MED12L: variants seen among roughly 807,000 people sequenced by gnomAD.
MED12L encodes the protein mediator of RNA polymerase II transcription subunit 12-like protein.
In MED12L, 60 loss-of-function variants were observed where a neutral mutation model predicts 281.3. The observed-to-expected ratio is 0.21, with a 90% CI of 0.17 to 0.26. The LOEUF is 0.26. MED12L is among the 10% of genes least tolerant of loss of function. MED12L has a pLI of 1.00. For missense variants in MED12L, 2,146 were observed against 2,680.9 expected, an observed-to-expected ratio of 0.80 and a Z score of 4.41; for synonymous variants, 974 against 987.2, an observed-to-expected ratio of 0.99 and a Z score of 0.25.
chr3:151,393,181 A>G (rs1714514511), intron 38 of MED12L, among the ~76,000 whole-genome samples: 1 of 152,222 alleles, frequency 6.6e-6, no homozygotes, highest in Middle Eastern at 3.2e-3. Context: ...ACAGAATCAC[A>G]GGAACATCTC....
intron 11 of MED12L, among the ~76,000 whole-genome samples, chr3:151,184,017 C>G (rs1473317258): frequency 6.6e-6 from 1 of 152,072 alleles, no homozygotes; most frequent in Non-Finnish European, 1.5e-5. Flanking sequence ...GAAAGTCCTC[C>G]CAGTTTACTT....
intron 5 of MED12L, among the ~76,000 whole-genome samples, chr3:151,133,037 A>G (rs187507449): frequency 2.0e-5 from 3 of 152,334 alleles, no homozygotes; most frequent in Admixed American, 2.0e-4. Context: ...TGATAGCAAA[A>G]AGAATCATTC....
chr3:151,121,841 G>T (rs996775094), intron 3 of MED12L, among the ~76,000 whole-genome samples: 1 of 151,760 alleles, frequency 6.6e-6, no homozygotes, highest in African/African-American at 2.4e-5. Context: ...TCAGCCTCCC[G>T]AGTAGGTGGG....
chr3:151,133,950 G>A (rs1715763328), intron 5 of MED12L, among the ~76,000 whole-genome samples: 3 of 152,188 alleles, frequency 2.0e-5, no homozygotes, highest in African/African-American at 7.2e-5. Flanking sequence ...CCCATGAGGA[G>A]TCTTATTGTT....
intron 16 of MED12L, among the ~76,000 whole-genome samples, chr3:151,229,178 G>A (rs1731113054): frequency 6.6e-6 from 1 of 152,122 alleles, no homozygotes; most frequent in Admixed American, 6.5e-5. Flanking sequence ...GTACAGAAGT[G>A]ATTCCCATAT....
intron 16 of MED12L, among the ~76,000 whole-genome samples, chr3:151,222,042 G>T (rs116089567): frequency 3.6e-4 from 55 of 152,382 alleles, no homozygotes; most frequent in African/African-American, 1.3e-3. Context: ...GAGACATGGA[G>T]TCAAAGGAGA....
At position 151,388,151 on chromosome 3, in the gene MED12L, G is replaced by A. The variant is rs147311340; in HGVS notation, c.5430G>A (p.Thr1810=). 110 of 1,602,684 alleles carry A rather than the reference G, an allele frequency of 6.9e-5. No homozygotes were observed. The African/African-American group carries it at 1.1e-3, about 16-fold the overall frequency. ...AAACAAAAGGAAGGAAGCGCAAGACGAAATCTAGCTCAAGAGTTGATGTAA... is the reference window on the plus strand; with the variant it reads ...AAACAAAAGGAAGGAAGCGCAAGACAAAATCTAGCTCAAGAGTTGATGTAA... The part of the protein sequence containing the change: ...EKKTKGRKRK[T]KSSSRVDEYP... Residue 1810 remains threonine, a synonymous_variant, in exon 37 of 45, where the codon ACG becomes ACA. Coordinates refer to ENST00000687756, the MANE Select transcript of MED12L (RefSeq NM_001393769.1).
At chr3:151,399,068 A>G (rs530497552) in intron 39 of MED12L, among the ~76,000 whole-genome samples, 2 of 152,246 alleles carry the variant, frequency 1.3e-5, no homozygotes, top group South Asian at 4.1e-4. Context: ...AACTATTTCT[A>G]TTTCTTACTC....
intron 16 of MED12L, among the ~76,000 whole-genome samples, chr3:151,334,686 G>T (rs1051021387): frequency 1.1e-4 from 16 of 152,000 alleles, no homozygotes; most frequent in African/African-American, 3.4e-4. Context: ...TTTTAGTAGA[G>T]ACAGGGCTTC....
chr3:151,115,034 A>G, intron 2 of MED12L, among the ~76,000 whole-genome samples: 1 of 152,170 alleles, frequency 6.6e-6, no homozygotes, highest in South Asian at 2.1e-4. Context: ...CATCTGTACA[A>G]CGGGCATGAA....
intron 3 of MED12L, among the ~76,000 whole-genome samples, chr3:151,120,682 A>T (rs1384834316): frequency 6.6e-6 from 1 of 152,260 alleles, no homozygotes; most frequent in East Asian, 1.9e-4. Flanking sequence ...CAATGGAAGG[A>T]CACATAAGAA....
intron 2 of MED12L, among the ~76,000 whole-genome samples, chr3:151,091,804 C>T (rs370341563): frequency 1.3e-5 from 2 of 152,324 alleles, no homozygotes; most frequent in East Asian, 1.9e-4. Flanking sequence ...AGCCAAACAG[C>T]CTGGCTTTGA....
At chr3:151,234,848 ACT>A (rs1732412624) in intron 16 of MED12L, among the ~76,000 whole-genome samples, 1 of 151,936 alleles carries the variant, frequency 6.6e-6, no homozygotes, top group Non-Finnish European at 1.5e-5. Flanking sequence ...GGTCACCATC[ACT>A]CTCCTGGTGG....
intron 20 of MED12L, 130 bp from the exon 21 acceptor site, chr3:151,360,344 T>C (rs1303110327): frequency 9.1e-6 from 7 of 769,846 alleles, no homozygotes; most frequent in Non-Finnish European, 1.3e-5. Context: ...TACTATTCTA[T>C]TTATTAGTTT....
At chr3:151,141,193 T>TTTTTTTTTTTTTTTTG (rs1716967095) in intron 5 of MED12L, among the ~76,000 whole-genome samples, 1 of 105,124 alleles carries the variant, frequency 9.5e-6, no homozygotes, top group Admixed American at 9.3e-5. Context: ...TTTTGTTTTT[T>TTTTTTTTTTTTTTTTG]TTTTTTTGTT....
intron 16 of MED12L, among the ~76,000 whole-genome samples, chr3:151,218,334 G>A (rs922372336): frequency 6.6e-6 from 1 of 152,136 alleles, no homozygotes; most frequent in African/African-American, 2.4e-5. Flanking sequence ...AAGATGAACA[G>A]GACTTCTGGA....
chr3:151,342,034 A>G (rs898323175), intron 16 of MED12L, among the ~76,000 whole-genome samples: 6 of 152,282 alleles, frequency 3.9e-5, no homozygotes, highest in Admixed American at 1.3e-4. Context: ...GCCGCAATAA[A>G]CATACGTGTG....
chr3:151,261,082 A>T (rs989035564), intron 16 of MED12L, among the ~76,000 whole-genome samples: 3 of 152,114 alleles, frequency 2.0e-5, no homozygotes, highest in Non-Finnish European at 4.4e-5. Flanking sequence ...GAGGGGAAGC[A>T]TCTTGATTTT....
chr3:151,357,594 G>T (rs1754084210), intron 20 of MED12L, among the ~76,000 whole-genome samples: 1 of 152,052 alleles, frequency 6.6e-6, no homozygotes, highest in Admixed American at 6.6e-5. Context: ...CTTCCTCCTT[G>T]CCTTTCTTCC....
Sources: allele counts gnomAD v4.1 joint callset (sites outside exome capture counted in the v4.1 genomes callset), GRCh38; gene constraint gnomAD v4.1.1; transcripts MANE v1.5; gene names NCBI Gene and HGNC (gene_info 2026-07-23, HGNC 2026-07-21).